The following RGS22 variants were observed in gnomAD, a reference collection of about 807,000 sequenced individuals.
The protein encoded by RGS22 is regulator of G protein signaling 22.
Under a neutral mutation model 172.9 loss-of-function variants are expected in RGS22, and 148 were observed. The observed-to-expected ratio is 0.86, with a 90% CI of 0.75 to 0.98. The LOEUF (loss-of-function observed/expected upper bound fraction) is 0.98, where lower values mean the gene tolerates loss of function less well. Ranked by LOEUF, RGS22 falls within the 50% of genes least tolerant of loss-of-function variation. The pLI is 0.00. For synonymous variants in RGS22, 458 were observed against 480.2 expected, an observed-to-expected ratio of 0.95 and a Z score of 0.60; for missense variants, 1,347 against 1,440.8, an observed-to-expected ratio of 0.93 and a Z score of 1.05.
chr8:100,060,258 A>C (rs918030070), intron 9 of RGS22, among the ~76,000 whole-genome samples: 1 of 151,606 alleles, frequency 6.6e-6, no homozygotes, highest in Non-Finnish European at 1.5e-5. Flanking sequence ...TATTATACTA[A>C]TGTCACATGT....
At chr8:100,045,150 T>C (rs1322180326) in intron 11 of RGS22, among the ~76,000 whole-genome samples, 2 of 151,860 alleles carry the variant, frequency 1.3e-5, no homozygotes, top group East Asian at 3.9e-4. Context: ...GGCACACACC[T>C]GTAGTCCTAG....
chr8:100,103,639 C>CG (rs1177199659), intron 2 of RGS22, among the ~76,000 whole-genome samples: 1 of 130,988 alleles, frequency 7.6e-6, no homozygotes, highest in Non-Finnish European at 1.7e-5. Context: ...GGAAGTCCCA[C>CG]GAAACAGGGG....
intron 22 of RGS22, among the ~76,000 whole-genome samples, chr8:99,981,724 GT>G (rs534670626): frequency 0.17 from 22,421 of 129,906 alleles, 3,156 homozygotes; most frequent in African/African-American, 0.41. Context: ...TTTTTTTTAG[GT>G]TTTTTTTTTT....
At chr8:100,086,914 A>G (rs1812208310) in intron 3 of RGS22, among the ~76,000 whole-genome samples, 1 of 152,112 alleles carries the variant, frequency 6.6e-6, no homozygotes, top group African/African-American at 2.4e-5. Flanking sequence ...AGATGAAGAC[A>G]AACTGCAAAG....
At chr8:100,053,430 G>GAGGA (rs1240385152) in intron 9 of RGS22, among the ~76,000 whole-genome samples, 2 of 87,498 alleles carry the variant, frequency 2.3e-5, no homozygotes, top group Admixed American at 1.6e-4. Context: ...CTAAAAAAGG[G>GAGGA]AGGAAGGAAG....
intron 20 of RGS22, among the ~76,000 whole-genome samples, chr8:99,988,065 AT>A (rs1813301484): frequency 6.6e-6 from 1 of 151,330 alleles, no homozygotes; most frequent in Non-Finnish European, 1.5e-5. Flanking sequence ...AATATTTCTC[AT>A]TTTTAAGAAA....
At chr8:100,046,902 C>A (rs930167339) in intron 11 of RGS22, among the ~76,000 whole-genome samples, 2 of 151,866 alleles carry the variant, frequency 1.3e-5, no homozygotes, top group Admixed American at 1.3e-4. Context: ...TGCAACTCTG[C>A]CTCCCGGGTT....
chr8:100,000,614 T>C (rs921235816), intron 18 of RGS22, among the ~76,000 whole-genome samples: 1 of 152,206 alleles, frequency 6.6e-6, no homozygotes, highest in African/African-American at 2.4e-5. Context: ...CTGACTTAGA[T>C]TCTCAGCATG....
chr8:100,079,310 G>C (rs536974085), intron 4 of RGS22, among the ~76,000 whole-genome samples: 1 of 152,152 alleles, frequency 6.6e-6, no homozygotes, highest in Non-Finnish European at 1.5e-5. Flanking sequence ...CATTTAGTTT[G>C]ATGAAAGTTA....
At chr8:100,020,505 T>G (rs1206183607) in intron 14 of RGS22, among the ~76,000 whole-genome samples, 1 of 152,198 alleles carries the variant, frequency 6.6e-6, no homozygotes, top group African/African-American at 2.4e-5. Context: ...AGAAATTTTT[T>G]AAAGGTGAAG....
At chr8:100,041,066 G>C (rs112709704) in intron 12 of RGS22, among the ~76,000 whole-genome samples, 100 of 152,338 alleles carry the variant, frequency 6.6e-4, no homozygotes, top group African/African-American at 2.2e-3. Flanking sequence ...TGTTCAGACT[G>C]TATTAGGACT....
At chr8:100,010,802 A>G (rs933048398) in intron 14 of RGS22, among the ~76,000 whole-genome samples, 1 of 151,688 alleles carries the variant, frequency 6.6e-6, no homozygotes, top group African/African-American at 2.4e-5. Context: ...CAGAGAGAAG[A>G]TAATTCTTTT....
rs953989831 is a variant in RGS22 at position 100,006,206 on chromosome 8, T to C, written c.2362-97A>G. ...AAATACAGTTGCCAATAAAGGAAAT[T>C]ATTTTCAAAGCAAAAGCAGGAAGAT... On this transcript the variant is annotated intron_variant, in intron 15 of 27. Coordinates refer to ENST00000360863, the MANE Select transcript of RGS22 (RefSeq NM_015668.5). 56 of 936,984 alleles carry C rather than the reference T, an allele frequency of 6.0e-5. 1 individual carries two copies. In the Middle Eastern group the frequency reaches 4.9e-3, roughly 82 times the overall value. 58.0% of individuals were successfully genotyped at this position (936,984 alleles called of 1,614,324 possible). A position where few individuals can be genotyped will look rare whatever the true frequency, so the allele number is the denominator to read the frequency against.
intron 10 of RGS22, among the ~76,000 whole-genome samples, chr8:100,049,898 A>T (rs556546301): frequency 7.9e-5 from 12 of 152,128 alleles, no homozygotes; most frequent in African/African-American, 2.7e-4. Flanking sequence ...AATACAAAAA[A>T]ATTAGCCAGG....
chr8:100,026,953 G>C (rs1818245535), intron 14 of RGS22, among the ~76,000 whole-genome samples: 2 of 152,190 alleles, frequency 1.3e-5, no homozygotes, highest in Admixed American at 1.3e-4. Flanking sequence ...TACCTGGTCG[G>C]GCATGGTGGC....
At chr8:99,967,786 G>A (rs534624573) in intron 23 of RGS22, among the ~76,000 whole-genome samples, 6 of 152,276 alleles carry the variant, frequency 3.9e-5, no homozygotes, top group South Asian at 2.1e-4. Flanking sequence ...CCTGGGGGAC[G>A]GGGTGGCTGT....
intron 23 of RGS22, among the ~76,000 whole-genome samples, chr8:99,966,275 G>C (rs1443102939): frequency 2.0e-5 from 3 of 152,152 alleles, no homozygotes; most frequent in Non-Finnish European, 4.4e-5. Flanking sequence ...GACTCCAAAA[G>C]TTGGGAGGGT....
At position 99,962,315 on chromosome 8, in the gene RGS22, T is replaced by C. The variant is rs1310306123; in HGVS notation, c.*45+79A>G. 6.9e-6 allele frequency: 6 copies of C among 866,654 alleles called. No individual in the cohort carries two copies. In the East Asian group the frequency reaches 7.3e-5, roughly 11 times the overall value. The allele number at this position is 866,654 out of a possible 1,614,324, so 53.7% of individuals were successfully genotyped here. A position where few individuals can be genotyped will look rare whatever the true frequency, so the allele number is the denominator to read the frequency against. ...TGTTATATGTGTGGTATGCTGTGTG[T>C]GTGCATGCGTGCATGTACATGAATG... is the stretch of plus-strand genomic sequence containing the variant. On this transcript the variant is annotated intron_variant, in intron 27 of 27. Coordinates refer to ENST00000360863, the MANE Select transcript of RGS22 (RefSeq NM_015668.5).
At chr8:100,037,664 C>CA (rs369723938) in intron 14 of RGS22, among the ~76,000 whole-genome samples, 6 of 152,244 alleles carry the variant, frequency 3.9e-5, no homozygotes, top group African/African-American at 7.2e-5. Flanking sequence ...CTCAATTGGG[C>CA]AGCTGAAGAT....
Sources: gnomAD v4.1 joint callset for allele counts (sites outside exome capture counted in the v4.1 genomes callset) on GRCh38, gnomAD v4.1.1 for gene constraint, MANE v1.5 for transcripts, NCBI Gene and HGNC (gene_info 2026-07-23, HGNC 2026-07-21) for gene names.